Variants in LY75 observed in about 807,000 individuals in gnomAD.
LY75 encodes the protein C-type lectin domain family 13 member B.
In LY75, 185 loss-of-function variants were observed where a neutral mutation model predicts 231.7. The ratio of observed to expected loss-of-function variants is 0.80; its 90% CI spans 0.71 to 0.90. LY75 has a LOEUF of 0.90. Ranked by LOEUF, LY75 falls within the 40% of genes least tolerant of loss-of-function variation. The pLI is 0.00. For synonymous variants in LY75, 668 were observed against 689.0 expected, an observed-to-expected ratio of 0.97 and a Z score of 0.48; for missense variants, 1,947 against 2,050.2, an observed-to-expected ratio of 0.95 and a Z score of 0.97.
At chr2:159,898,662 G>A (rs760424188) in intron 2 of LY75, 26 bp downstream of exon 2, 2 of 1,584,242 alleles carry the variant, frequency 1.3e-6, no homozygotes, top group Non-Finnish European at 1.7e-6. Flanking sequence ...ACAGCAAATC[G>A]GTCAAAGTCC....
rs1682928490 is a variant in LY75 at position 159,810,560 on chromosome 2, A to G, written c.4665T>C (p.Ser1555=). Residue 1555 remains serine, a synonymous_variant, in exon 32 of 35, where the codon AGT becomes AGC. Transcript: ENST00000263636. ...HCYKSDQALH[S]FSEAKKLCSK... ...AACACAATTTTTTGGCCTCTGAAAAACTGTGCAATGCCTGATCAGACTTGT... is the reference window on the plus strand; with the variant it reads ...AACACAATTTTTTGGCCTCTGAAAAGCTGTGCAATGCCTGATCAGACTTGT... 6.2e-7 allele frequency: 1 copy of G among 1,613,594 alleles called. No individual in the cohort carries two copies. The highest frequency in any genetic ancestry group is 1.3e-5 in the African/African-American group (1 of 74,886).
At chr2:159,839,419 G>C (rs537890733) in intron 25 of LY75, among the ~76,000 whole-genome samples, 2 of 152,212 alleles carry the variant, frequency 1.3e-5, no homozygotes, top group Non-Finnish European at 2.9e-5. Flanking sequence ...GCAGAGGTTA[G>C]TGATGCGAAT....
chr2:159,834,050 T>G lies in LY75; in HGVS notation c.3835A>C (p.Lys1279Gln). 6.2e-7 allele frequency: 1 copy of G among 1,613,478 alleles called. No individual in the cohort carries two copies. Among genetic ancestry groups the G allele is most frequent in the Non-Finnish European group, 8.5e-7 (1 of 1,179,764 alleles). ...GGACTAATATAATACTTACTCAGTT[T>G]CTGGCATTTAGTATGAACTTCATCC... ...TQDEVHTKCQ[K>Q]LNPKSHILSI... The change falls in exon 27 of 35, where the codon AAA (lysine) becomes CAA (glutamine). Residue 1279 changes from lysine to glutamine, a missense_variant. Coordinates refer to ENST00000263636, the MANE Select transcript of LY75 (RefSeq NM_002349.4).
intron 14 of LY75, among the ~76,000 whole-genome samples, chr2:159,861,996 AAAT>A (rs1262595850): frequency 6.6e-6 from 1 of 152,014 alleles, no homozygotes; most frequent in African/African-American, 2.4e-5. Flanking sequence ...CTCTACAAAA[AAAT>A]ATAAGAATTA....
At chr2:159,858,224 C>T (rs975425555) in intron 16 of LY75, 138 bp downstream of exon 16, 30 of 1,030,660 alleles carry the variant, frequency 2.9e-5, no homozygotes, top group African/African-American at 2.6e-4. Flanking sequence ...GCAGGGGGTG[C>T]TCCACATATT....
chr2:159,819,539 T>C (rs560217858), intron 29 of LY75, among the ~76,000 whole-genome samples, 187 bp downstream of exon 29: 31 of 152,294 alleles, frequency 2.0e-4, no homozygotes, highest in Admixed American at 1.6e-3. Context: ...CAACTACATT[T>C]TACTCCTTAG....
At chr2:159,854,034 CAA>C (rs202091048) in intron 18 of LY75, among the ~76,000 whole-genome samples, 2,162 of 152,138 alleles carry the variant, frequency 0.014, 25 homozygotes, top group Admixed American at 0.027. Flanking sequence ...AATTATTTTG[CAA>C]AGTTACTTAT....
chr2:159,816,895 T>C lies in LY75; in HGVS notation c.4291A>G (p.Ser1431Gly). ...MCSQSGGHLASVHNQNGQLFL... is the reference protein window; with the variant it reads ...MCSQSGGHLAGVHNQNGQLFL... ...AGCTGGCCATTTTGGTTGTGAACGC[T>C]TGCCAAGTGACCTCCACTTTGAGAA... The change falls in exon 30 of 35, where the codon AGC (serine) becomes GGC (glycine). Residue 1431 changes from serine to glycine, a missense_variant. By Grantham distance (56) the Ser-to-Gly change is moderately conservative. Transcript: ENST00000263636. The C allele has an allele frequency of 6.2e-7, 1 of 1,614,182 alleles. No individual in the cohort carries two copies. The highest frequency in any genetic ancestry group is 8.5e-7 in the Non-Finnish European group (1 of 1,180,016).
intron 28 of LY75, among the ~76,000 whole-genome samples, chr2:159,830,242 C>G (rs1233929230): frequency 2.6e-5 from 4 of 152,106 alleles, no homozygotes; most frequent in African/African-American, 7.2e-5. Context: ...AAAGGAGAAG[C>G]CTATTTTTAA....
At chr2:159,851,727 C>T (rs1684407524) in intron 21 of LY75, among the ~76,000 whole-genome samples, 1 of 152,122 alleles carries the variant, frequency 6.6e-6, no homozygotes. Flanking sequence ...AATCATAAAA[C>T]CCCCATTTGG....
intron 16 of LY75, among the ~76,000 whole-genome samples, chr2:159,856,573 G>A (rs1574562633): frequency 3.3e-5 from 5 of 152,212 alleles, no homozygotes; most frequent in Admixed American, 3.3e-4. Flanking sequence ...TAGAAAGTTA[G>A]GTACAGTACG....
rs181233700 is a variant in LY75 at position 159,883,866 on chromosome 2, T to A, written c.1054+1287A>T. On this transcript the variant is annotated intron_variant, in intron 6 of 34. Transcript: ENST00000263636. ...CTTAAAAATTGCTCTATACTCCTTT[T>A]TAGATGACAAGACATTTGAATGCTT... Among the ~76,000 whole-genome samples the A allele has an allele frequency of 3.4e-4, 52 of 152,316 alleles. No homozygotes were observed. The East Asian group carries it at 7.5e-3, about 22-fold the overall frequency.
intron 2 of LY75, 38 bp downstream of exon 2, chr2:159,898,650 C>CA: frequency 6.3e-7 from 1 of 1,577,556 alleles, no homozygotes; most frequent in South Asian, 1.2e-5. Context: ...GTGACAAGCA[C>CA]AACAGCAAAT....
At chr2:159,866,776 C>A (rs1285024688) in intron 13 of LY75, among the ~76,000 whole-genome samples, 1 of 152,130 alleles carries the variant, frequency 6.6e-6, no homozygotes, top group Non-Finnish European at 1.5e-5. Context: ...TATATTTGGG[C>A]CTGGGGAATT....
chr2:159,864,010 T>G (rs997425477), intron 14 of LY75, among the ~76,000 whole-genome samples: 2 of 152,198 alleles, frequency 1.3e-5, no homozygotes, highest in Non-Finnish European at 2.9e-5. Context: ...ATGTGTGAAG[T>G]AGGCTGTACC....
At chr2:159,857,272 T>G (rs1684575402) in intron 16 of LY75, among the ~76,000 whole-genome samples, 1 of 152,232 alleles carries the variant, frequency 6.6e-6, no homozygotes, top group Non-Finnish European at 1.5e-5. Context: ...TTAACTATTT[T>G]AGGAATAACA....
At chr2:159,822,346 G>A (rs1045833893) in intron 28 of LY75, among the ~76,000 whole-genome samples, 27 of 152,220 alleles carry the variant, frequency 1.8e-4, no homozygotes, top group African/African-American at 6.5e-4. Context: ...GCTAGAGCTT[G>A]GTCGGGGGAG....
chr2:159,860,779 A>G, intron 15 of LY75, 42 bp downstream of exon 15: 1 of 1,606,634 alleles, frequency 6.2e-7, no homozygotes, highest in South Asian at 1.1e-5. Context: ...ATGATGATGG[A>G]CTTATGTTTT....
At chr2:159,879,120 T>C (rs530645567) in intron 9 of LY75, 139 bp downstream of exon 9, 3 of 956,772 alleles carry the variant, frequency 3.1e-6, no homozygotes, top group African/African-American at 1.7e-5. Flanking sequence ...CACTGCCTTC[T>C]GGCTTGTTCT....
Sources: gnomAD v4.1 joint callset for allele counts (sites outside exome capture counted in the v4.1 genomes callset) on GRCh38, gnomAD v4.1.1 for gene constraint, MANE v1.5 for transcripts, NCBI Gene and HGNC (gene_info 2026-07-23, HGNC 2026-07-21) for gene names.